FUT9: variants seen among roughly 807,000 people sequenced by gnomAD.
FUT9 encodes the protein fucosyltransferase 9.
In FUT9, 15 loss-of-function variants were observed where a neutral mutation model predicts 29.7. The observed-to-expected ratio is 0.51, with a 90% confidence interval of 0.34 to 0.78. The LOEUF is 0.78. Ranked by LOEUF, FUT9 falls within the 30% of genes least tolerant of loss-of-function variation. FUT9 has a pLI of 0.01. For missense variants in FUT9, 319 were observed against 425.4 expected (o/e 0.75, Z 2.20); for synonymous variants, 169 against 153.7 (o/e 1.10, Z -0.74).
At chr6:96,123,694 A>T (rs972824621) in intron 2 of FUT9, among the ~76,000 whole-genome samples, 1 of 152,190 alleles carries the variant, frequency 6.6e-6, no homozygotes, top group African/African-American at 2.4e-5. Context: ...TCATTGATTA[A>T]GCAGTTTTAA....
chr6:96,046,449 T>A lies in FUT9; in HGVS notation c.-98+30237T>A, dbSNP rs544238049. Among the ~76,000 whole-genome samples, 3 of 152,294 alleles carry A rather than the reference T, an allele frequency of 2.0e-5. No homozygotes were observed. In the East Asian group the frequency reaches 5.8e-4, roughly 29 times the overall value. Reference sequence around the variant, plus strand: ...ACATGACTCTAAGGTTTTTGGAACTTGTTGCTCCCTCTGCCTTAAACTGTC... The same window carrying A: ...ACATGACTCTAAGGTTTTTGGAACTAGTTGCTCCCTCTGCCTTAAACTGTC... On this transcript the variant is annotated intron_variant, in intron 1 of 2. Transcript: ENST00000302103.
intron 2 of FUT9, among the ~76,000 whole-genome samples, chr6:96,202,892 G>A (rs563140561): frequency 6.6e-6 from 1 of 152,130 alleles, no homozygotes; most frequent in East Asian, 1.9e-4. Flanking sequence ...GGATAGCATT[G>A]AAAAAAACGT....
intron 2 of FUT9, among the ~76,000 whole-genome samples, chr6:96,197,937 T>C (rs1328411654): frequency 6.6e-6 from 1 of 152,172 alleles, no homozygotes; most frequent in Non-Finnish European, 1.5e-5. Context: ...CCACCAAAAA[T>C]CAAAACTTAC....
At chr6:96,148,905 A>T (rs1247617519) in intron 2 of FUT9, among the ~76,000 whole-genome samples, 2 of 152,174 alleles carry the variant, frequency 1.3e-5, no homozygotes, top group Admixed American at 1.3e-4. Context: ...TTGCAATCCC[A>T]GCACTTTGGG....
rs1773867716 is a variant in FUT9 at position 96,208,168 on chromosome 6, A to G, written c.*3933A>G. 6.0e-6 allele frequency: 1 copy of G among 166,702 alleles called. No homozygotes were observed. The highest frequency in any genetic ancestry group is 1.5e-5 in the Non-Finnish European group (1 of 67,970). 10.3% of individuals were successfully genotyped at this position (166,702 alleles called of 1,614,324 possible). ...CGGAGGCTTTAAATTCTTACCTCCAATTGGAGGTTAAATATTAAAAGAATA... is the reference window on the plus strand; with the variant it reads ...CGGAGGCTTTAAATTCTTACCTCCAGTTGGAGGTTAAATATTAAAAGAATA... On this transcript the variant is annotated 3_prime_UTR_variant, in exon 3 of 3. Coordinates refer to ENST00000302103, the MANE Select transcript of FUT9 (RefSeq NM_006581.4).
At chr6:96,043,015 G>A (rs534118894) in intron 1 of FUT9, among the ~76,000 whole-genome samples, 3 of 152,206 alleles carry the variant, frequency 2.0e-5, no homozygotes, top group Admixed American at 1.3e-4. Flanking sequence ...TTTTACCTGT[G>A]GTGAGTATTA....
intron 1 of FUT9, among the ~76,000 whole-genome samples, chr6:96,026,988 T>C (rs72627717): frequency 0.023 from 3,431 of 151,792 alleles, 167 homozygotes; most frequent in East Asian, 0.19. Context: ...ATGTTGAATT[T>C]ACTTTCAGAT....
intron 1 of FUT9, among the ~76,000 whole-genome samples, chr6:96,087,232 G>A (rs962573237): frequency 1.2e-4 from 18 of 151,980 alleles, no homozygotes; most frequent in Non-Finnish European, 5.9e-5. Context: ...ATTACCTAAA[G>A]TTATTTGTTG....
chr6:96,018,597 C>T (rs564867696), intron 1 of FUT9, among the ~76,000 whole-genome samples: 1 of 152,096 alleles, frequency 6.6e-6, no homozygotes, highest in South Asian at 2.1e-4. Flanking sequence ...TGAACTGTAT[C>T]TTATAATGCT....
intron 1 of FUT9, among the ~76,000 whole-genome samples, chr6:96,109,441 T>C (rs958868587): frequency 6.6e-6 from 1 of 152,210 alleles, no homozygotes; most frequent in African/African-American, 2.4e-5. Flanking sequence ...GGTGAATTTT[T>C]CCCCAAATTT....
chr6:96,113,963 T>G (rs1771864409), intron 1 of FUT9, 76 bp from the exon 2 acceptor site: 1 of 151,184 alleles, frequency 6.6e-6, no homozygotes, highest in Non-Finnish European at 1.5e-5. Context: ...TTGGATTTCT[T>G]TTGGTTATCT....
At position 96,208,300 on chromosome 6, in the gene FUT9, C is replaced by T. The variant is rs540527997; in HGVS notation, c.*4065C>T. The T allele has an allele frequency of 4.2e-5, 7 of 166,306 alleles. No homozygotes were observed. The highest frequency in any genetic ancestry group is 6.6e-5 in the Admixed American group (1 of 15,214). The allele number at this position is 166,306 out of a possible 1,614,324, so 10.3% of individuals were successfully genotyped here. A position where few individuals can be genotyped will look rare whatever the true frequency, so the allele number is the denominator to read the frequency against. The stretch of plus-strand genomic sequence containing the variant: ...TTTTTTTTGCGTGAATTAAAGTTAC[C>T]ACAAATTTCAGGTCCTTACCTTATG... On this transcript the variant is annotated 3_prime_UTR_variant, in exon 3 of 3. Transcript: ENST00000302103.
chr6:96,172,476 G>A (rs564324635), intron 2 of FUT9, among the ~76,000 whole-genome samples: 3 of 151,944 alleles, frequency 2.0e-5, no homozygotes, highest in Non-Finnish European at 2.9e-5. Flanking sequence ...CATCTTTTTG[G>A]AAATCATTGC....
chr6:96,065,452 A>G (rs956962990), intron 1 of FUT9, among the ~76,000 whole-genome samples: 3 of 152,136 alleles, frequency 2.0e-5, no homozygotes, highest in Admixed American at 6.5e-5. Context: ...ATGGTTACAA[A>G]TTCCTGGCAA....
chr6:96,028,345 C>G (rs776607970), intron 1 of FUT9, among the ~76,000 whole-genome samples: 3 of 151,464 alleles, frequency 2.0e-5, no homozygotes, highest in Non-Finnish European at 4.4e-5. Flanking sequence ...GGTACAAAAT[C>G]ACTGTGGTTT....
chr6:96,124,413 G>T (rs2127966328), intron 2 of FUT9, among the ~76,000 whole-genome samples: 1 of 152,226 alleles, frequency 6.6e-6, no homozygotes, highest in African/African-American at 2.4e-5. Flanking sequence ...GCCTCCCAAA[G>T]TGCTGGGATT....
At chr6:96,192,956 G>T (rs1461363312) in intron 2 of FUT9, among the ~76,000 whole-genome samples, 1 of 151,832 alleles carries the variant, frequency 6.6e-6, no homozygotes, top group Non-Finnish European at 1.5e-5. Flanking sequence ...ATGGGGAAAG[G>T]ATTCCCTATT....
At chr6:96,018,820 G>T (rs901233070) in intron 1 of FUT9, among the ~76,000 whole-genome samples, 6 of 151,916 alleles carry the variant, frequency 3.9e-5, no homozygotes, top group Non-Finnish European at 7.4e-5. Flanking sequence ...CTGCAGGAAG[G>T]GAGAGATAGA....
chr6:96,139,809 G>A (rs1190696333), intron 2 of FUT9, among the ~76,000 whole-genome samples: 2 of 152,106 alleles, frequency 1.3e-5, no homozygotes, highest in Non-Finnish European at 2.9e-5. Flanking sequence ...AGATGCAGGG[G>A]GCACCATGTC....
Sources: allele counts gnomAD v4.1 joint callset (sites outside exome capture counted in the v4.1 genomes callset), GRCh38; gene constraint gnomAD v4.1.1; transcripts MANE v1.5; gene names NCBI Gene and HGNC (gene_info 2026-07-23, HGNC 2026-07-21).